Variants in ACSBG2 observed in about 807,000 individuals in gnomAD.
ACSBG2 encodes acyl-CoA synthetase bubblegum family member 2.
A neutral mutation model predicts 74.7 loss-of-function variants in ACSBG2; 62 were observed. The observed-to-expected ratio is 0.83, with a 90% CI of 0.68 to 1.03. The LOEUF is 1.03. ACSBG2 is among the 50% of genes least tolerant of loss of function. The pLI is 0.00. For synonymous variants in ACSBG2, 309 were observed against 294.1 expected, an observed-to-expected ratio of 1.05 and a Z score of -0.52; for missense variants, 730 against 817.6, an observed-to-expected ratio of 0.89 and a Z score of 1.31.
intron 11 of ACSBG2, 63 bp downstream of exon 11, chr19:6,185,716 C>A: frequency 6.4e-7 from 1 of 1,560,692 alleles, no homozygotes; most frequent in Non-Finnish European, 8.8e-7. Context: ...CATTTAAGGG[C>A]CCAGGGTACC....
At chr19:6,152,118 G>A (rs1001530346) in intron 4 of ACSBG2, among the ~76,000 whole-genome samples, 12 of 152,006 alleles carry the variant, frequency 7.9e-5, no homozygotes, top group Non-Finnish European at 1.3e-4. Flanking sequence ...AAAACCTCAC[G>A]ACAGCAATGT....
At chr19:6,188,050 A>AGC (rs1246682272) in intron 13 of ACSBG2, among the ~76,000 whole-genome samples, 1 of 152,142 alleles carries the variant, frequency 6.6e-6, no homozygotes, top group East Asian at 1.9e-4. Flanking sequence ...AGCTCTATAC[A>AGC]ATCTCTCGCC....
intron 13 of ACSBG2, among the ~76,000 whole-genome samples, chr19:6,189,149 ATAT>A (rs1414076358): frequency 6.6e-6 from 1 of 152,046 alleles, no homozygotes; most frequent in Non-Finnish European, 1.5e-5. Flanking sequence ...TCTCTGATTA[ATAT>A]TATAAAGTTT....
At chr19:6,151,557 C>T (rs2145055758) in intron 3 of ACSBG2, 150 bp from the exon 4 acceptor site, 1 of 719,664 alleles carries the variant, frequency 1.4e-6, no homozygotes, top group South Asian at 1.7e-5. Context: ...GCAATTCTCC[C>T]ACCTCAACCT....
At chr19:6,190,977 T>C in intron 14 of ACSBG2, 1 of 210,964 alleles carries the variant, frequency 4.7e-6, no homozygotes, top group Non-Finnish European at 9.7e-6. Context: ...GCTTCCTGCC[T>C]TTTCTATTTG....
intron 7 of ACSBG2, among the ~76,000 whole-genome samples, chr19:6,171,403 C>A (rs532457126): frequency 6.6e-6 from 1 of 151,974 alleles, no homozygotes; most frequent in Non-Finnish European, 1.5e-5. Flanking sequence ...TCTTTTCGGG[C>A]TGATCTAGTG....
intron 5 of ACSBG2, among the ~76,000 whole-genome samples, chr19:6,158,922 C>A (rs954067533): frequency 1.3e-5 from 2 of 151,898 alleles, no homozygotes; most frequent in African/African-American, 4.8e-5. Context: ...TTTAAAAATT[C>A]TTTTCTTTTT....
intron 2 of ACSBG2, among the ~76,000 whole-genome samples, chr19:6,142,353 T>C (rs564005310): frequency 6.6e-5 from 10 of 152,262 alleles, no homozygotes; most frequent in African/African-American, 2.4e-4. Context: ...ACAGCTCTGA[T>C]ACCAGTGGGT....
intron 8 of ACSBG2, among the ~76,000 whole-genome samples, chr19:6,178,792 A>C (rs543947958): frequency 2.0e-4 from 31 of 152,288 alleles, no homozygotes; most frequent in African/African-American, 6.7e-4. Context: ...TGATTTATCA[A>C]TGGGGAGCTC....
At chr19:6,166,796 T>C (rs8100778) in intron 7 of ACSBG2, among the ~76,000 whole-genome samples, 113,106 of 151,964 alleles carry the variant, frequency 0.74, 42,783 homozygotes, top group African/African-American at 0.87. Context: ...TGCCACCACA[T>C]CCAACTAATT....
At position 6,143,523 on chromosome 19, in the gene ACSBG2, C is replaced by T. The variant is rs180763268; in HGVS notation, c.67+1913C>T. Among the ~76,000 whole-genome samples, 11 of 152,228 alleles carry T rather than the reference C, an allele frequency of 7.2e-5. No homozygotes were observed. In the East Asian group the frequency reaches 7.7e-4, roughly 11 times the overall value. On this transcript the variant is annotated intron_variant, in intron 2 of 14. Transcript: ENST00000588485. ...CCTACAAAAACCCTGTTTCCAAATACGGTCACAGTCTGAAATTCTGGGTGG... is the reference window on the plus strand; with the variant it reads ...CCTACAAAAACCCTGTTTCCAAATATGGTCACAGTCTGAAATTCTGGGTGG...
intron 6 of ACSBG2, among the ~76,000 whole-genome samples, chr19:6,162,146 G>A (rs1462710425): frequency 2.6e-5 from 4 of 151,172 alleles, no homozygotes; most frequent in African/African-American, 9.7e-5. Flanking sequence ...CGTGCCTGTA[G>A]TCCCAGCTAC....
At chr19:6,188,758 G>A (rs900906113) in intron 13 of ACSBG2, among the ~76,000 whole-genome samples, 1 of 152,128 alleles carries the variant, frequency 6.6e-6, no homozygotes, top group Non-Finnish European at 1.5e-5. Flanking sequence ...GGGGATCTTT[G>A]GGGGTGAAGG....
chr19:6,153,644 T>C (rs1278189951), intron 4 of ACSBG2, among the ~76,000 whole-genome samples: 2 of 152,056 alleles, frequency 1.3e-5, no homozygotes, highest in Non-Finnish European at 2.9e-5. Flanking sequence ...AAGACCAGCC[T>C]GGACAACATC....
chr19:6,159,737 A>T (rs1268370296), intron 5 of ACSBG2, among the ~76,000 whole-genome samples: 12 of 151,746 alleles, frequency 7.9e-5, no homozygotes, highest in Non-Finnish European at 1.8e-4. Flanking sequence ...AGTTAAATAA[A>T]CTCCAAACTC....
At chr19:6,137,656 ATTTATTTT>A (rs1016399615) in intron 1 of ACSBG2, among the ~76,000 whole-genome samples, 24 of 151,754 alleles carry the variant, frequency 1.6e-4, no homozygotes, top group East Asian at 1.5e-3. Context: ...TTATTTATTT[ATTTATTTT>A]TGAGATGGAG....
chr19:6,136,847 G>A (rs1054542724), intron 1 of ACSBG2, among the ~76,000 whole-genome samples: 7 of 151,158 alleles, frequency 4.6e-5, no homozygotes, highest in East Asian at 2.0e-4. Context: ...CACCTGCCAC[G>A]GCCTCCCAAA....
In ACSBG2 at chr19:6,161,310, T is replaced by TGGGC. The variant is rs1568233003; in HGVS notation, c.588+16_588+19dup. 6.2e-7 allele frequency: 1 copy of TGGGC among 1,606,258 alleles called. No individual in the cohort carries two copies. On this transcript the variant is annotated intron_variant, in intron 6 of 14. Transcript: ENST00000588485. ...ACTTGTACTCTGTAAGTGTGGGAGGTGGGCACTGGGGAAAGGGGAGGGCGG... is the reference window on the plus strand; with the variant it reads ...ACTTGTACTCTGTAAGTGTGGGAGGTGGGCGGGCACTGGGGAAAGGGGAGGGCGG...
At position 6,156,659 on chromosome 19, in the gene ACSBG2, T is replaced by G. The variant is rs144382353; in HGVS notation, c.507+108T>G. ...AAATTCTAATGATAAGATAGGGCCA[T>G]GCATCTGTTCAGCGAGTCCTCCATG... On this transcript the variant is annotated intron_variant, in intron 5 of 14. Transcript: ENST00000588485. 201 of 1,253,812 alleles carry G rather than the reference T, an allele frequency of 1.6e-4. 1 individual carries two copies. The African/African-American group carries it at 2.6e-3, about 16-fold the overall frequency. The allele number at this position is 1,253,812 out of a possible 1,614,324, so 77.7% of individuals were successfully genotyped here. A position where few individuals can be genotyped will look rare whatever the true frequency, so the allele number is the denominator to read the frequency against.
Sources: allele counts gnomAD v4.1 joint callset (sites outside exome capture counted in the v4.1 genomes callset), GRCh38; gene constraint gnomAD v4.1.1; transcripts MANE v1.5; gene names NCBI Gene and HGNC (gene_info 2026-07-23, HGNC 2026-07-21).